Variants in ASB7 observed in about 807,000 individuals in gnomAD.
ASB7 encodes ankyrin repeat and SOCS box protein 7.
Under a neutral mutation model 32.5 loss-of-function variants are expected in ASB7, and 4 were observed. The ratio of observed to expected loss-of-function variants is 0.12; its 90% CI spans 0.06 to 0.28. The LOEUF (loss-of-function observed/expected upper bound fraction) is 0.28. ASB7 is among the 10% of genes least tolerant of loss of function. The pLI is 1.00. For synonymous variants in ASB7, 172 were observed against 155.6 expected (o/e 1.11, Z -0.78); for missense variants, 181 against 407.1 (o/e 0.44, Z 4.78).
intron 5 of ASB7, among the ~76,000 whole-genome samples, chr15:100,639,476 C>T (rs934733107): frequency 1.3e-4 from 20 of 149,054 alleles, no homozygotes; most frequent in Non-Finnish European, 4.6e-5. Flanking sequence ...CGAGCTTTCT[C>T]AGGTTAAACC....
rs949225081 is a variant in ASB7, at chr15:100,643,481, T to C, written c.818-4842T>C. Among the ~76,000 whole-genome samples the C allele has an allele frequency of 1.5e-4, 19 of 130,218 alleles. 1 individual carries two copies. Among genetic ancestry groups the C allele is most frequent in the Non-Finnish European group, 2.5e-4 (15 of 60,398 alleles). 85.4% of individuals were successfully genotyped at this position (130,218 alleles called of 152,430 possible). On this transcript the variant is annotated intron_variant, in intron 5 of 5. Coordinates refer to ENST00000332783, the MANE Select transcript of ASB7 (RefSeq NM_198243.3). ...CTTTTGTCTCAGTCCCTTCTTCTTTTTTTTTTTTTTTTTTTTTTTTTTGAG... is the reference window on the plus strand; with the variant it reads ...CTTTTGTCTCAGTCCCTTCTTCTTTCTTTTTTTTTTTTTTTTTTTTTTGAG...
chr15:100,611,546 C>A (rs2039696118), intron 3 of ASB7, among the ~76,000 whole-genome samples: 1 of 124,896 alleles, frequency 8.0e-6, no homozygotes, highest in Admixed American at 1.0e-4. Flanking sequence ...GTGGCGCAAT[C>A]TCAGCTCAAT....
intron 4 of ASB7, among the ~76,000 whole-genome samples, chr15:100,623,828 G>T (rs2039813374): frequency 6.6e-6 from 1 of 152,174 alleles, no homozygotes. Context: ...ATATAATCCA[G>T]CAGTCCCACT....
chr15:100,629,341 T>C lies in ASB7; in HGVS notation c.212-96T>C. ...ATTACAGTGTTTGGTTGCTTCACAT[T>C]TTATATGAGAATTGGCCACAGTTTG... is the stretch of plus-strand genomic sequence containing the variant. On this transcript the variant is annotated intron_variant, in intron 4 of 5. Coordinates refer to ENST00000332783, the MANE Select transcript of ASB7 (RefSeq NM_198243.3). This position sits in a 1 kb window ranked among gnomAD's most constrained non-coding sequence, Gnocchi z 6.8. The C allele has an allele frequency of 8.8e-7, 1 of 1,139,144 alleles. No individual in the cohort carries two copies. The highest frequency in any genetic ancestry group is 1.5e-5 in the South Asian group (1 of 66,730). 70.6% of individuals were successfully genotyped at this position (1,139,144 alleles called of 1,614,324 possible).
intron 5 of ASB7, among the ~76,000 whole-genome samples, chr15:100,647,008 G>A (rs1167272530): frequency 4.0e-5 from 2 of 49,826 alleles, no homozygotes; most frequent in Non-Finnish European, 8.4e-5. Context: ...GCAAAAATGT[G>A]AAAGAATGAC....
At chr15:100,631,092 A>G (rs556588994) in intron 5 of ASB7, among the ~76,000 whole-genome samples, 1 of 152,296 alleles carries the variant, frequency 6.6e-6, no homozygotes, top group African/African-American at 2.4e-5. Context: ...AATTTTGCAG[A>G]TTCATGGAAG....
intron 5 of ASB7, among the ~76,000 whole-genome samples, chr15:100,630,449 A>G (rs756165326): frequency 6.6e-6 from 1 of 152,206 alleles, no homozygotes; most frequent in Non-Finnish European, 1.5e-5. Flanking sequence ...CTGTGAAAAT[A>G]TCCTAGAATT....
chr15:100,636,392 A>G (rs182434766), intron 5 of ASB7, among the ~76,000 whole-genome samples: 80 of 152,338 alleles, frequency 5.3e-4, no homozygotes, highest in African/African-American at 1.8e-3. Flanking sequence ...TTAAAATAGG[A>G]AAAACATATC....
At chr15:100,646,353 C>G (rs1336474264) in intron 5 of ASB7, 1 of 376,576 alleles carries the variant, frequency 2.7e-6, no homozygotes, top group Non-Finnish European at 5.4e-6. Flanking sequence ...AACTGGTCCA[C>G]TCATCAAGGA....
At chr15:100,630,510 A>T (rs1421223484) in intron 5 of ASB7, among the ~76,000 whole-genome samples, 1 of 152,220 alleles carries the variant, frequency 6.6e-6, no homozygotes, top group African/African-American at 2.4e-5. Flanking sequence ...TTTCTGCTTC[A>T]TGAGAGCCCA....
chr15:100,644,994 C>T (rs916113352), intron 5 of ASB7, among the ~76,000 whole-genome samples: 3 of 152,230 alleles, frequency 2.0e-5, no homozygotes, highest in African/African-American at 7.2e-5. Context: ...ACAGGCCTTA[C>T]AGAGCAGAGG....
chr15:100,624,994 A>G (rs2039826093), intron 4 of ASB7, among the ~76,000 whole-genome samples: 1 of 152,224 alleles, frequency 6.6e-6, no homozygotes, highest in Non-Finnish European at 1.5e-5. Context: ...AATTTGTCAC[A>G]TTAGAATAAA....
intron 4 of ASB7, chr15:100,612,649 T>G: frequency 3.5e-6 from 2 of 574,700 alleles, no homozygotes; most frequent in Non-Finnish European, 6.1e-6. Flanking sequence ...GAAACTGTAG[T>G]GTCTGTACAG....
intron 2 of ASB7, chr15:100,609,460 T>C (rs370837753): frequency 6.0e-4 from 92 of 152,350 alleles, no homozygotes; most frequent in African/African-American, 2.0e-3. Context: ...TTTATTATTT[T>C]TTTTATTTGC....
Position 100,623,134 on chromosome 15 carries a change from C to A in ASB7, c.212-6303C>A, listed in dbSNP as rs184938995. 2.0e-3 allele frequency among the ~76,000 whole-genome samples: 306 copies of A among 152,306 alleles called. 1 individual carries two copies. Among genetic ancestry groups the A allele is most frequent in the South Asian group, 0.016 (75 of 4,830 alleles). On this transcript the variant is annotated intron_variant, in intron 4 of 5. Transcript: ENST00000332783. ...AGTGGGCAGGTCAGGCGTGGTGGCT[C>A]ACACCTGTAATCCCAGCACTTTGGG...
intron 2 of ASB7, among the ~76,000 whole-genome samples, chr15:100,606,729 G>A (rs1354306957): frequency 2.6e-5 from 4 of 152,100 alleles, no homozygotes; most frequent in South Asian, 2.1e-4. Context: ...GGAAAAGAAA[G>A]TCTTCCTTGT....
At chr15:100,621,688 A>G (rs901487827) in intron 4 of ASB7, among the ~76,000 whole-genome samples, 15 of 152,174 alleles carry the variant, frequency 9.9e-5, no homozygotes, top group African/African-American at 3.6e-4. Context: ...GTTTCTGTAT[A>G]CTTCTAGAAT....
At chr15:100,616,421 T>C (rs1054025102) in intron 4 of ASB7, among the ~76,000 whole-genome samples, 3 of 152,238 alleles carry the variant, frequency 2.0e-5, no homozygotes, top group Non-Finnish European at 2.9e-5. Flanking sequence ...TTAGGAAGTA[T>C]ACTGCAGGGT....
intron 5 of ASB7, among the ~76,000 whole-genome samples, chr15:100,631,779 T>C (rs2039884992): frequency 6.6e-6 from 1 of 152,220 alleles, no homozygotes; most frequent in African/African-American, 2.4e-5. Context: ...GTTATGAGGA[T>C]TAAATGAGTT....
Sources: allele counts gnomAD v4.1 joint callset (sites outside exome capture counted in the v4.1 genomes callset), GRCh38; gene constraint gnomAD v4.1.1; non-coding constraint Gnocchi (gnomAD v3.1); transcripts MANE v1.5; gene names NCBI Gene and HGNC (gene_info 2026-07-23, HGNC 2026-07-21).